Variants in PDE4D observed in about 807,000 individuals in gnomAD.
PDE4D encodes the protein 3',5'-cyclic-AMP phosphodiesterase 4D.
In PDE4D, 24 loss-of-function variants were observed where a neutral mutation model predicts 87.4. The observed-to-expected ratio is 0.27, with a 90% CI of 0.20 to 0.39. The LOEUF is 0.39. Among genes scored for constraint, PDE4D ranks in the 10% least tolerant of loss-of-function variants. The pLI, the probability that PDE4D is intolerant of heterozygous loss-of-function variation, is 1.00. For synonymous variants in PDE4D, 384 were observed against 383.2 expected, an observed-to-expected ratio of 1.00 and a Z score of -0.02; for missense variants, 714 against 1,041.0, an observed-to-expected ratio of 0.69 and a Z score of 4.32.
At chr5:59,675,264 CTTT>C (rs1258117569) in intron 1 of PDE4D, among the ~76,000 whole-genome samples, 2 of 152,100 alleles carry the variant, frequency 1.3e-5, no homozygotes, top group East Asian at 1.9e-4. Flanking sequence ...AATAGAATGG[CTTT>C]TTGTTTTTAA....
At chr5:60,422,516 G>T (rs1743218112) in intron 1 of PDE4D, among the ~76,000 whole-genome samples, 1 of 152,176 alleles carries the variant, frequency 6.6e-6, no homozygotes, top group African/African-American at 2.4e-5. Flanking sequence ...TCACCACAAG[G>T]CCTGCCCTAA....
intron 1 of PDE4D, among the ~76,000 whole-genome samples, chr5:59,614,742 T>G (rs1829446960): frequency 6.6e-6 from 1 of 152,214 alleles, no homozygotes; most frequent in African/African-American, 2.4e-5. Flanking sequence ...TAGTTATTCT[T>G]CAGTTGGTAG....
intron 3 of PDE4D, among the ~76,000 whole-genome samples, chr5:59,951,329 C>T (rs997351814): frequency 6.6e-6 from 1 of 152,126 alleles, no homozygotes; most frequent in South Asian, 2.1e-4. Context: ...AGAGATTGCA[C>T]TCCAGTGTTT....
intron 5 of PDE4D, among the ~76,000 whole-genome samples, chr5:59,104,376 G>T (rs921110481): frequency 6.6e-6 from 1 of 152,272 alleles, no homozygotes; most frequent in Non-Finnish European, 1.5e-5. Context: ...GATAACCAAG[G>T]TCCATCTTAC....
intron 5 of PDE4D, among the ~76,000 whole-genome samples, chr5:59,091,540 T>C (rs997409349): frequency 3.3e-5 from 5 of 152,136 alleles, no homozygotes; most frequent in African/African-American, 1.2e-4. Flanking sequence ...AACACAGGAG[T>C]ATCTACAAGA....
At chr5:59,385,037 T>C (rs1786698773) in intron 1 of PDE4D, among the ~76,000 whole-genome samples, 1 of 152,222 alleles carries the variant, frequency 6.6e-6, no homozygotes, top group Non-Finnish European at 1.5e-5. Context: ...CAAATGGTAC[T>C]CATATCTGCC....
In PDE4D at chr5:59,185,235, T is replaced by A. The variant is rs1433192550; in HGVS notation, c.712A>T (p.Asn238Tyr). The change falls in exon 4 of 15, where the codon AAC (asparagine) becomes TAC (tyrosine). Residue 238 changes from asparagine (N) to tyrosine (Y), a missense_variant. Asn to Tyr is a moderately radical substitution (Grantham distance 143, BLOSUM62 -2). Around this residue, in one of 7 missense-constraint regions of PDE4D, gnomAD observed 90 missense variants for 177.6 expected, o/e 0.51. Transcript: ENST00000340635. ...AAATTAGTTAATGCAGCAAAGTTGTTTCGTACAGTTCGCAGACTGGCCAAG... is the reference window on the plus strand; with the variant it reads ...AAATTAGTTAATGCAGCAAAGTTGTATCGTACAGTTCGCAGACTGGCCAAG... ...QVLASLRTVR[N>Y]NFAALTNLQD... is the part of the protein sequence containing the mutation. 1.2e-6 allele frequency: 2 copies of A among 1,612,846 alleles called. No individual in the cohort carries two copies. The highest frequency in any genetic ancestry group is 1.3e-5 in the African/African-American group (1 of 74,894).
intron 1 of PDE4D, among the ~76,000 whole-genome samples, chr5:59,700,647 G>A (rs937178332): frequency 9.2e-5 from 14 of 152,114 alleles, no homozygotes; most frequent in African/African-American, 3.4e-4. Context: ...GCCATGGACA[G>A]AACCTCAATC....
intron 1 of PDE4D, among the ~76,000 whole-genome samples, chr5:59,420,292 T>C (rs1794271962): frequency 6.6e-6 from 1 of 152,204 alleles, no homozygotes; most frequent in South Asian, 2.1e-4. Flanking sequence ...CTAGTCTGAC[T>C]TGGAGAATCC....
In PDE4D at chr5:58,975,897, A is replaced by AC. The variant is rs1743614886; in HGVS notation, c.1831-59dup. The AC allele has an allele frequency of 8.0e-7, 1 of 1,256,692 alleles. No individual in the cohort carries two copies. Among genetic ancestry groups the AC allele is most frequent in the Non-Finnish European group, 1.1e-6 (1 of 943,420 alleles). 77.8% of individuals were successfully genotyped at this position (1,256,692 alleles called of 1,614,324 possible). A position where few individuals can be genotyped will look rare whatever the true frequency, so the allele number is the denominator to read the frequency against. Reference sequence around the variant, plus strand: ...CTGTTCCTTTTTTTTAAAAAAAAAAACAAAAAAAACTAGAAATTCACATTG... The same window carrying AC: ...CTGTTCCTTTTTTTTAAAAAAAAAAACCAAAAAAAACTAGAAATTCACATTG... On this transcript the variant is annotated intron_variant, in intron 13 of 14. Transcript: ENST00000340635. This position sits in a 1 kb window ranked among gnomAD's most constrained non-coding sequence, Gnocchi z 4.2.
chr5:59,003,542 T>A (rs1294121924), intron 6 of PDE4D, among the ~76,000 whole-genome samples: 1 of 152,216 alleles, frequency 6.6e-6, no homozygotes, highest in Non-Finnish European at 1.5e-5. Flanking sequence ...CTTCATTCAA[T>A]ATTTATTAAG....
At chr5:60,402,897 G>A (rs1169251471) in intron 1 of PDE4D, among the ~76,000 whole-genome samples, 1 of 152,156 alleles carries the variant, frequency 6.6e-6, no homozygotes, top group African/African-American at 2.4e-5. Context: ...CCCTGTCCTT[G>A]CAGGGCTATA....
Position 60,162,415 on chromosome 5 carries a change from T to TA in PDE4D, c.42+23141dup, listed in dbSNP as rs547362010. ...TACATTGTATCTCTAAGGACCTATT[T>TA]AAAACCTTTTGTTGGGTTTTGTTTG... is the stretch of plus-strand genomic sequence containing the variant. On this transcript the variant is annotated intron_variant, in intron 2 of 16. Transcript: ENST00000502484. 2.8e-4 allele frequency among the ~76,000 whole-genome samples: 42 copies of TA among 152,308 alleles called. No individual in the cohort carries two copies. In the East Asian group the frequency reaches 6.2e-3, roughly 22 times the overall value.
At position 59,038,104 on chromosome 5, in the gene PDE4D, C is replaced by T. The variant is rs187745395; in HGVS notation, c.921+755G>A. On this transcript the variant is annotated intron_variant, in intron 6 of 14. Transcript: ENST00000340635. ...ACTAAAGACAAAAAGAACAGGAAAT[C>T]CAAAAAATACAGCAAAACTGAAAAC... is the stretch of plus-strand genomic sequence containing the variant. Among the ~76,000 whole-genome samples, 248 of 152,256 alleles carry T rather than the reference C, an allele frequency of 1.6e-3. 1 individual carries two copies. Among genetic ancestry groups the T allele is most frequent in the Admixed American group, 3.4e-3 (52 of 15,300 alleles).
chr5:60,318,782 T>C (rs1755898380), intron 1 of PDE4D, among the ~76,000 whole-genome samples: 1 of 152,062 alleles, frequency 6.6e-6, no homozygotes, highest in Non-Finnish European at 1.5e-5. Context: ...GGGTTGAAAA[T>C]TCTTTTCTTT....
intron 1 of PDE4D, among the ~76,000 whole-genome samples, chr5:59,668,960 C>A (rs2150320572): frequency 6.6e-6 from 1 of 151,628 alleles, no homozygotes; most frequent in Non-Finnish European, 1.5e-5. Flanking sequence ...TAAAAACAGG[C>A]CTACTGAGGG....
At chr5:60,245,706 T>C (rs1232056553) in intron 1 of PDE4D, among the ~76,000 whole-genome samples, 1 of 151,934 alleles carries the variant, frequency 6.6e-6, no homozygotes, top group Non-Finnish European at 1.5e-5. Flanking sequence ...TTTTCACTTA[T>C]TTGTGGGAGC....
chr5:59,854,761 AG>A (rs1418040088), intron 1 of PDE4D, among the ~76,000 whole-genome samples: 2 of 152,084 alleles, frequency 1.3e-5, no homozygotes, highest in East Asian at 3.9e-4. Context: ...ACAAGTAAAA[AG>A]AAAAAAAATG....
intron 1 of PDE4D, among the ~76,000 whole-genome samples, chr5:59,272,044 A>G (rs1007949074): frequency 6.6e-6 from 1 of 152,024 alleles, no homozygotes; most frequent in Non-Finnish European, 1.5e-5. Flanking sequence ...AATGAAAAGT[A>G]TAAGTACTAT....
Sources: gnomAD v4.1 joint callset for allele counts (sites outside exome capture counted in the v4.1 genomes callset) on GRCh38, gnomAD v4.1.1 for gene constraint, gnomAD v4.1.1 regional missense constraint, Gnocchi (gnomAD v3.1) non-coding constraint, MANE v1.5 for transcripts, NCBI Gene and HGNC (gene_info 2026-07-23, HGNC 2026-07-21) for gene names.